Variants in DMBT1 observed in about 807,000 individuals in gnomAD.
DMBT1 encodes scavenger receptor cysteine-rich domain-containing protein DMBT1.
DMBT1 carries 198 observed loss-of-function variants against 252.9 expected under a neutral mutation model. The ratio of observed to expected loss-of-function variants is 0.78; its 90% confidence interval spans 0.70 to 0.88. DMBT1 has a LOEUF of 0.88. DMBT1 is among the 40% of genes least tolerant of loss of function. The pLI is 0.00. For missense variants in DMBT1, 2,432 were observed against 2,404.7 expected (o/e 1.01, Z -0.24); for synonymous variants, 990 against 942.7 (o/e 1.05, Z -0.92).
chr10:122,620,957 C>A, intron 43 of DMBT1, 100 bp from the exon 44 acceptor site: 1 of 1,567,480 alleles, frequency 6.4e-7, no homozygotes. Flanking sequence ...TACCTGCACA[C>A]GTGACTTTGG....
chr10:122,580,175 C>A lies in DMBT1; in HGVS notation c.1003+274C>A, dbSNP rs575332868. Among the ~76,000 whole-genome samples the A allele has an allele frequency of 2.0e-5, 3 of 152,298 alleles. No homozygotes were observed. The South Asian group carries it at 6.2e-4, about 32-fold the overall frequency. On this transcript the variant is annotated intron_variant, in intron 10 of 55. Coordinates refer to ENST00000338354, the MANE Select transcript of DMBT1 (RefSeq NM_001377530.1). ...AGAGAAAAGTGCCGGCTCCCCAGGG[C>A]TCCATTTCTCCCCTGCTGAGTAGCA...
At chr10:122,576,854 C>A (rs1340531192) in intron 7 of DMBT1, 132 bp downstream of exon 7, 2 of 1,092,854 alleles carry the variant, frequency 1.8e-6, no homozygotes. Context: ...ATGGCAAACC[C>A]CATCTCTATT....
At position 122,599,807 on chromosome 10, in the gene DMBT1, A is replaced by T. The variant is rs546805448; in HGVS notation, c.3281-257A>T. Among the ~76,000 whole-genome samples the T allele has an allele frequency of 3.2e-3, 486 of 152,166 alleles. 1 individual carries two copies. The highest frequency in any genetic ancestry group is 0.011 in the African/African-American group (436 of 41,496). Reference sequence around the variant, plus strand: ...AGAATGCCTAAGACGTGCAAGGGAGAGGGTTGGTTTAGGCCAACCGGGTTA... The same window carrying T: ...AGAATGCCTAAGACGTGCAAGGGAGTGGGTTGGTTTAGGCCAACCGGGTTA... On this transcript the variant is annotated intron_variant, in intron 26 of 55. Transcript: ENST00000338354.
Position 122,621,162 on chromosome 10 carries a change from G to C in DMBT1, c.5390G>C (p.Ser1797Thr). 6.2e-7 allele frequency: 1 copy of C among 1,613,908 alleles called. No homozygotes were observed. Among genetic ancestry groups the C allele is most frequent in the Non-Finnish European group, 8.5e-7 (1 of 1,179,810 alleles). The change falls in exon 44 of 56, where the codon AGC becomes ACC. Residue 1797 changes from serine (S) to threonine (T), a missense_variant. By Grantham distance (58) the Ser-to-Thr change is moderately conservative. Coordinates refer to ENST00000338354, the MANE Select transcript of DMBT1 (RefSeq NM_001377530.1). ...RGSWGTVCDD[S>T]WDTNDANVVC... ...TCCTGGGGAACCGTGTGTGATGACA[G>C]CTGGGACACCAATGATGCCAATGTG... is the stretch of plus-strand genomic sequence containing the variant.
chr10:122,566,089 A>T, intron 2 of DMBT1, 93 bp downstream of exon 2: 1 of 1,348,168 alleles, frequency 7.4e-7, no homozygotes, highest in Admixed American at 1.8e-5. Flanking sequence ...AGCTGAGGTC[A>T]CAGAGCAAAC....
intron 51 of DMBT1, 84 bp downstream of exon 51, chr10:122,632,974 G>A (rs1287876749): frequency 3.1e-6 from 5 of 1,588,386 alleles, no homozygotes; most frequent in Non-Finnish European, 4.3e-6. Flanking sequence ...ATGGGGCTGG[G>A]GAGGAGATGG....
rs187551168 is a variant in DMBT1, at chr10:122,579,918, T to G, written c.1003+17T>G. On this transcript the variant is annotated intron_variant, in intron 10 of 55. Transcript: ENST00000338354. ...TCTGCTCAGGTGGGCCTTCAAGAAC[T>G]TGGGCTCACTCTCTTGGGGTGGAGT... 3.4e-4 allele frequency: 550 copies of G among 1,613,816 alleles called. 2 individuals are homozygous for G. The African/African-American group carries it at 6.8e-3, about 20-fold the overall frequency.
chr10:122,592,548 T>A lies in DMBT1; in HGVS notation c.2453T>A (p.Leu818His). 6.3e-7 allele frequency: 1 copy of A among 1,588,282 alleles called. No homozygotes were observed. The highest frequency in any genetic ancestry group is 8.6e-7 in the Non-Finnish European group (1 of 1,165,628). Residue 818 changes from leucine (L) to histidine (H), a missense_variant, in exon 20 of 56, where the codon CTC becomes CAC. Physicochemically the swap from Leu to His is moderately conservative, Grantham distance 99. Around this residue, in one of 3 missense-constraint regions of DMBT1, gnomAD observed 1,264 missense variants for 1,082.2 expected, o/e 1.17. Transcript: ENST00000338354. ...TGGAGCTGCCCCCACAATGGCTGGC[T>A]CTCCCACAACTGTGGCCATCATGAA... Reference protein sequence around the residue: ...YLWSCPHNGWLSHNCGHHEDA... With the variant: ...YLWSCPHNGWHSHNCGHHEDA...
rs1969620 is a variant in DMBT1 at position 122,579,862 on chromosome 10, A to C, written c.964A>C (p.Asn322His). The C allele has an allele frequency of 3.7e-6, 6 of 1,613,670 alleles. No individual in the cohort carries two copies. The African/African-American group carries it at 8.0e-5, about 22-fold the overall frequency. Residue 322 changes from asparagine to histidine, a missense_variant, in exon 10 of 56, where the codon AAC (asparagine) becomes CAC (histidine). Transcript: ENST00000338354. ...CCCCCACAATGGCTGGCTCACCCAC[A>C]ACTGTGGCCATAGTGAAGACGCTGG... ...SCPHNGWLTHNCGHSEDAGVI... is the reference protein window; with the variant it reads ...SCPHNGWLTHHCGHSEDAGVI...
chr10:122,618,283 A>G lies in DMBT1; in HGVS notation c.5158A>G (p.Asn1720Asp). The G allele has an allele frequency of 6.2e-7, 1 of 1,613,804 alleles. No individual in the cohort carries two copies. The highest frequency in any genetic ancestry group is 8.5e-7 in the Non-Finnish European group (1 of 1,179,750). Residue 1720 changes from asparagine (N) to aspartate (D), a missense_variant, in exon 41 of 56, where the codon AAT becomes GAT. Physicochemically the swap from Asn to Asp is conservative, Grantham distance 23. Around this residue, in one of 3 missense-constraint regions of DMBT1, gnomAD observed 1,162 missense variants for 1,169.0 expected, o/e 0.99. Coordinates refer to ENST00000338354, the MANE Select transcript of DMBT1 (RefSeq NM_001377530.1). ...GTCTTACCTGTGGAGCTGCCCCCAC[A>G]ATGGCTGGCTCTCCCACAACTGTGG... ...HESYLWSCPH[N>D]GWLSHNCGHH...
At position 122,578,762 on chromosome 10, in the gene DMBT1, A is replaced by G. The variant is rs775821634; in HGVS notation, c.679+3A>G. ...ATCACCACCTGTACCCACAGAAGGT[A>G]AAGAATCCTCTCAACACTCCCTGGG... On this transcript the variant is annotated splice_donor_region_variant and intron_variant, in intron 9 of 55. Transcript: ENST00000338354. The G allele has an allele frequency of 9.3e-6, 15 of 1,606,540 alleles. 1 individual carries two copies. In the South Asian group the frequency reaches 1.7e-4, roughly 18 times the overall value.
intron 50 of DMBT1, 71 bp from the exon 51 acceptor site, chr10:122,632,790 G>T (rs1236133657): frequency 1.3e-6 from 2 of 1,583,032 alleles, no homozygotes; most frequent in Non-Finnish European, 1.7e-6. Context: ...CATCTGCACA[G>T]CTCATGAGCA....
At chr10:122,637,536 C>T (rs1164697154) in intron 54 of DMBT1, among the ~76,000 whole-genome samples, 1 of 152,162 alleles carries the variant, frequency 6.6e-6, no homozygotes, top group Non-Finnish European at 1.5e-5. Flanking sequence ...CAGCTGTGTC[C>T]AGCAGAGAGG....
Position 122,618,270 on chromosome 10 carries a change from G to A in DMBT1, c.5145G>A (p.Trp1715Ter). ...VRCSGHESYL[W>*]SCPHNGWLSH... ...GCTCAGGACACGAGTCTTACCTGTG[G>A]AGCTGCCCCCACAATGGCTGGCTCT... The change falls in exon 41 of 56, where the codon TGG becomes TGA. Residue 1715 changes from tryptophan to a stop codon, truncating the protein, a stop_gained. Transcript: ENST00000338354. LOFTEE classifies it high-confidence loss of function. 6.2e-7 allele frequency: 1 copy of A among 1,613,798 alleles called. No homozygotes were observed. The highest frequency in any genetic ancestry group is 8.5e-7 in the Non-Finnish European group (1 of 1,179,770).
chr10:122,585,666 C>A (rs1437338655), intron 15 of DMBT1, among the ~76,000 whole-genome samples: 3 of 148,648 alleles, frequency 2.0e-5, no homozygotes, highest in African/African-American at 7.3e-5. Context: ...TGTCCCCACA[C>A]CTGTCTGGCC....
chr10:122,577,823 A>C lies in DMBT1; in HGVS notation c.620A>C (p.Gln207Pro). The change falls in exon 8 of 56, where the codon CAG (glutamine) becomes CCG (proline). Residue 207 changes from glutamine (Q) to proline (P), a missense_variant. Transcript: ENST00000338354. Reference sequence around the variant, plus strand: ...TTTTTTCTCACAGCTGCCCAGCCTCAGTCAACACTCAGGCCAGGTGAGTCC... The same window carrying C: ...TTTTTTCTCACAGCTGCCCAGCCTCCGTCAACACTCAGGCCAGGTGAGTCC... Reference protein sequence around the residue: ...AGVICSAAQPQSTLRPESWPV... With the variant: ...AGVICSAAQPPSTLRPESWPV... 1 of 1,613,712 alleles carries C rather than the reference A, an allele frequency of 6.2e-7. No individual in the cohort carries two copies. The highest frequency in any genetic ancestry group is 1.1e-5 in the South Asian group (1 of 91,010).
At chr10:122,576,368 T>C (rs1036767613) in intron 6 of DMBT1, 31 bp from the exon 7 acceptor site, 7 of 1,608,870 alleles carry the variant, frequency 4.4e-6, no homozygotes, top group South Asian at 1.1e-5. Context: ...TCAGTAGGAA[T>C]GTGCAAGAGA....
chr10:122,633,124 T>G lies in DMBT1; in HGVS notation c.6398-67T>G. The G allele has an allele frequency of 3.9e-6, 6 of 1,553,638 alleles. No individual in the cohort carries two copies. In the South Asian group the frequency reaches 6.2e-5, roughly 16 times the overall value. ...ATTTTAAAGTAATTTAAATTTAAAG[T>G]AGTCCGCAGGTAGACTGTGCAGTGT... is the stretch of plus-strand genomic sequence containing the variant. On this transcript the variant is annotated intron_variant, in intron 51 of 55. Transcript: ENST00000338354.
chr10:122,630,510 T>C lies in DMBT1; in HGVS notation c.6025+20T>C. 6.2e-7 allele frequency: 1 copy of C among 1,611,094 alleles called. No individual in the cohort carries two copies. Among genetic ancestry groups the C allele is most frequent in the South Asian group, 1.1e-5 (1 of 90,996 alleles). Reference sequence around the variant, plus strand: ...CAAGCGGTAAGTGCACACTAGACCATGCCTATGAGGCTTGGTGGATTTACC... The same window carrying C: ...CAAGCGGTAAGTGCACACTAGACCACGCCTATGAGGCTTGGTGGATTTACC... On this transcript the variant is annotated intron_variant, in intron 48 of 55. Transcript: ENST00000338354.
Sources: allele counts gnomAD v4.1 joint callset (sites outside exome capture counted in the v4.1 genomes callset), GRCh38; gene constraint gnomAD v4.1.1; regional missense constraint gnomAD v4.1.1; transcripts MANE v1.5; gene names NCBI Gene and HGNC (gene_info 2026-07-23, HGNC 2026-07-21).